ACBD6: variants seen among roughly 807,000 people sequenced by gnomAD.
ACBD6 encodes the protein acyl-CoA-binding domain-containing protein 6.
A neutral mutation model predicts 37.2 loss-of-function variants in ACBD6; 28 were observed. The observed-to-expected ratio is 0.75, with a 90% CI of 0.56 to 1.03. ACBD6 has a LOEUF of 1.03. Ranked by LOEUF, ACBD6 falls within the 50% of genes least tolerant of loss-of-function variation. ACBD6 has a pLI of 0.00. For synonymous variants in ACBD6, 113 were observed against 126.8 expected (o/e 0.89, Z 0.73); for missense variants, 340 against 337.4 (o/e 1.01, Z -0.06).
At chr1:180,482,055 AT>A (rs1382126762) in intron 3 of ACBD6, among the ~76,000 whole-genome samples, 2 of 152,212 alleles carry the variant, frequency 1.3e-5, no homozygotes, top group African/African-American at 2.4e-5. Context: ...TTAATACCTT[AT>A]AGTCAACAAA....
chr1:180,302,638 T>A (rs1650177122), intron 7 of ACBD6, among the ~76,000 whole-genome samples: 3 of 151,894 alleles, frequency 2.0e-5, no homozygotes, highest in South Asian at 2.1e-4. Flanking sequence ...AGACTTAGAC[T>A]CCCACACAAT....
chr1:180,316,687 C>A (rs980038931), intron 6 of ACBD6, among the ~76,000 whole-genome samples: 1 of 152,082 alleles, frequency 6.6e-6, no homozygotes, highest in Non-Finnish European at 1.5e-5. Context: ...AATACTAAAT[C>A]TATATCTCTA....
intron 7 of ACBD6, among the ~76,000 whole-genome samples, chr1:180,305,856 T>A (rs1650333898): frequency 6.6e-6 from 1 of 151,834 alleles, no homozygotes; most frequent in Admixed American, 6.6e-5. Flanking sequence ...CCAACCCAAA[T>A]GTGCAACGAT....
downstream of ACBD6, among the ~76,000 whole-genome samples, chr1:180,284,319 G>GTT (rs1649402095): frequency 1.3e-5 from 2 of 151,430 alleles, no homozygotes. Context: ...AATAATAATC[G>GTT]TAACAACTTT....
At chr1:180,426,158 T>C (rs1006440749) in intron 4 of ACBD6, among the ~76,000 whole-genome samples, 1 of 152,196 alleles carries the variant, frequency 6.6e-6, no homozygotes, top group Non-Finnish European at 1.5e-5. Flanking sequence ...AGTTGTATAC[T>C]AGGACTGGTC....
At chr1:180,411,423 T>G (rs72714873) in intron 5 of ACBD6, among the ~76,000 whole-genome samples, 2,110 of 152,290 alleles carry the variant, frequency 0.014, 27 homozygotes, top group Non-Finnish European at 0.025. Flanking sequence ...CTATCTTCAC[T>G]GTTGACTTAA....
At chr1:180,285,667 A>C (rs1202146771), downstream of ACBD6, among the ~76,000 whole-genome samples, 1 of 152,204 alleles carries the variant, frequency 6.6e-6, no homozygotes, top group African/African-American at 2.4e-5. Context: ...CACACACATT[A>C]TTCATTAATC....
intron 6 of ACBD6, among the ~76,000 whole-genome samples, chr1:180,325,847 T>C (rs1162828445): frequency 6.6e-6 from 1 of 152,240 alleles, no homozygotes; most frequent in Admixed American, 6.5e-5. Context: ...CAGAGACTCT[T>C]GTTCTCTTCC....
At position 180,405,184 on chromosome 1, in the gene ACBD6, T is replaced by C. The variant is rs74132810; in HGVS notation, c.574-7579A>G. 5.9e-3 allele frequency among the ~76,000 whole-genome samples: 904 copies of C among 152,342 alleles called. 8 individuals are homozygous for C. The highest frequency in any genetic ancestry group is 0.02 in the African/African-American group (846 of 41,572). On this transcript the variant is annotated intron_variant, in intron 5 of 7. Coordinates refer to ENST00000367595, the MANE Select transcript of ACBD6 (RefSeq NM_032360.4). ...AAATTTAGTCTCAGTATACCGACCC[T>C]GCCTCTTAAATCTTTTGCTTTTCTG...
chr1:180,412,801 G>A (rs934278080), intron 5 of ACBD6, among the ~76,000 whole-genome samples: 2 of 152,140 alleles, frequency 1.3e-5, no homozygotes, highest in Admixed American at 6.5e-5. Context: ...ATGGGTTTGA[G>A]GATGCAGTGA....
intron 5 of ACBD6, among the ~76,000 whole-genome samples, chr1:180,410,122 T>C (rs1053352155): frequency 1.3e-5 from 2 of 152,248 alleles, no homozygotes; most frequent in African/African-American, 4.8e-5. Flanking sequence ...GCCCTAGTTC[T>C]CTTCAAGTCT....
chr1:180,492,131 T>C, intron 3 of ACBD6, 138 bp downstream of exon 3: 2 of 704,986 alleles, frequency 2.8e-6, no homozygotes, highest in Admixed American at 5.0e-5. Flanking sequence ...ATTAGATAAA[T>C]ATTACAATAA....
At chr1:180,465,953 A>G (rs1221631361) in intron 3 of ACBD6, among the ~76,000 whole-genome samples, 1 of 152,126 alleles carries the variant, frequency 6.6e-6, no homozygotes, top group African/African-American at 2.4e-5. Context: ...TGGGAGCTAC[A>G]TAAGAACTTA....
rs887388471 is a variant in ACBD6, at chr1:180,362,578, G to A, written c.663+34938C>T. ...TGGAAACCCCAGCTTTACTACTTAA[G>A]TTCCTAATGCATTCACTATTAATCA... On this transcript the variant is annotated intron_variant, in intron 6 of 7. Coordinates refer to ENST00000367595, the MANE Select transcript of ACBD6 (RefSeq NM_032360.4). 2.0e-5 allele frequency among the ~76,000 whole-genome samples: 3 copies of A among 152,286 alleles called. No individual in the cohort carries two copies. In the East Asian group the frequency reaches 5.8e-4, roughly 29 times the overall value.
intron 6 of ACBD6, among the ~76,000 whole-genome samples, chr1:180,337,117 T>C (rs1347111083): frequency 2.6e-5 from 4 of 152,002 alleles, no homozygotes; most frequent in East Asian, 3.9e-4. Context: ...CTATTCCAAT[T>C]AATAGAAAAG....
At chr1:180,394,281 G>T (rs1354150260) in intron 6 of ACBD6, among the ~76,000 whole-genome samples, 1 of 151,866 alleles carries the variant, frequency 6.6e-6, no homozygotes, top group Non-Finnish European at 1.5e-5. Context: ...GTGGAGATGG[G>T]GTCTCACTAT....
chr1:180,477,524 C>T (rs1650845981), intron 3 of ACBD6, among the ~76,000 whole-genome samples: 1 of 152,236 alleles, frequency 6.6e-6, no homozygotes, highest in South Asian at 2.1e-4. Context: ...TATAATCAAT[C>T]TCTGTTCCTA....
chr1:180,449,624 T>A (rs1162444984), intron 3 of ACBD6, among the ~76,000 whole-genome samples: 1 of 151,964 alleles, frequency 6.6e-6, no homozygotes, highest in East Asian at 1.9e-4. Flanking sequence ...GCCAGGCTGG[T>A]CTTGAACTCC....
At chr1:180,385,115 C>A (rs1288844701) in intron 6 of ACBD6, among the ~76,000 whole-genome samples, 1 of 151,922 alleles carries the variant, frequency 6.6e-6, no homozygotes, top group Non-Finnish European at 1.5e-5. Context: ...CAGTTAGCAA[C>A]AACGCATTGT....
Sources: allele counts gnomAD v4.1 joint callset (sites outside exome capture counted in the v4.1 genomes callset), GRCh38; gene constraint gnomAD v4.1.1; transcripts MANE v1.5; gene names NCBI Gene and HGNC (gene_info 2026-07-23, HGNC 2026-07-21).